CDC20B: variants seen among roughly 807,000 people sequenced by gnomAD.
CDC20B encodes cell division cycle protein 20 homolog B.
In CDC20B, 58 loss-of-function variants were observed where a neutral mutation model predicts 64.1. That is an observed-to-expected ratio of 0.90 (90% confidence interval 0.73 to 1.13). The LOEUF (loss-of-function observed/expected upper bound fraction) is 1.13, where lower values mean the gene tolerates loss of function less well. Ranked by LOEUF, CDC20B falls within the 50% of genes most tolerant of loss-of-function variation. The pLI is 0.00. For synonymous variants in CDC20B, 243 were observed against 230.6 expected, an observed-to-expected ratio of 1.05 and a Z score of -0.49; for missense variants, 597 against 633.0, an observed-to-expected ratio of 0.94 and a Z score of 0.61.
chr5:55,148,593 A>G (rs1043013615), intron 2 of CDC20B, among the ~76,000 whole-genome samples: 1 of 152,216 alleles, frequency 6.6e-6, no homozygotes, highest in African/African-American at 2.4e-5. Flanking sequence ...GTGTACTTGT[A>G]GTCCTAGCTA....
rs1235886072 is a variant in CDC20B, at chr5:55,113,219, A to T, written c.*999T>A. On this transcript the variant is annotated 3_prime_UTR_variant, in exon 12 of 12. Coordinates refer to ENST00000381375, the MANE Select transcript of CDC20B (RefSeq NM_001170402.1). ...AGTCTTAATATAGGAGATGAATGTG[A>T]ATTAACATTCAAAAGACAGAACAGC... 6.6e-6 allele frequency: 1 copy of T among 152,218 alleles called. No individual in the cohort carries two copies. Among genetic ancestry groups the T allele is most frequent in the Non-Finnish European group, 1.5e-5 (1 of 68,044 alleles). The allele number at this position is 152,218 out of a possible 1,614,324, so 9.4% of individuals were successfully genotyped here. A position where few individuals can be genotyped will look rare whatever the true frequency, so the allele number is the denominator to read the frequency against.
At chr5:55,130,261 C>G (rs557308571) in intron 6 of CDC20B, among the ~76,000 whole-genome samples, 1 of 152,116 alleles carries the variant, frequency 6.6e-6, no homozygotes, top group South Asian at 2.1e-4. Flanking sequence ...CTTGGATACA[C>G]TGAATAGCAG....
chr5:55,142,867 A>G (rs1469131949), intron 4 of CDC20B, among the ~76,000 whole-genome samples: 2 of 152,238 alleles, frequency 1.3e-5, no homozygotes, highest in Non-Finnish European at 2.9e-5. Flanking sequence ...AGAATTTATG[A>G]CTTTTCTAGT....
chr5:55,170,556 G>A (rs374883017), intron 2 of CDC20B: 2 of 534,674 alleles, frequency 3.7e-6, no homozygotes, highest in Admixed American at 1.9e-5. Flanking sequence ...GACAGCAGTT[G>A]CATGTTAGCC....
At chr5:55,168,736 C>T (rs564186405) in intron 2 of CDC20B, among the ~76,000 whole-genome samples, 163 of 152,104 alleles carry the variant, frequency 1.1e-3, no homozygotes, top group African/African-American at 3.5e-3. Context: ...AAATCAATTA[C>T]GGCATGTTCC....
intron 2 of CDC20B, among the ~76,000 whole-genome samples, chr5:55,152,031 G>T (rs1743680599): frequency 6.6e-6 from 1 of 152,244 alleles, no homozygotes; most frequent in African/African-American, 2.4e-5. Flanking sequence ...GAAGGCAGAG[G>T]GAGATGTGAC....
In CDC20B at chr5:55,146,682, C is replaced by A. The variant is rs778168504; in HGVS notation, c.301G>T (p.Glu101Ter). Residue 101 changes from glutamate (E) to a stop codon, truncating the protein, a stop_gained, in exon 3 of 12, where the codon GAA becomes TAA. Transcript: ENST00000381375. LOFTEE classifies it high-confidence loss of function. Reference protein sequence around the residue: ...GEEQSTTYLPEASGSVLKTPP... With the variant: ...GEEQSTTYLP ...GTCTTCAGCACTGATCCGGAAGCTT[C>A]TGGGAGGTAGGTGGTTGACTGCTCT... is the stretch of plus-strand genomic sequence containing the variant. The A allele has an allele frequency of 1.2e-6, 2 of 1,614,134 alleles. No individual in the cohort carries two copies. Among genetic ancestry groups the A allele is most frequent in the South Asian group, 2.2e-5 (2 of 91,086 alleles).
At chr5:55,121,696 T>C (rs185555738) in intron 9 of CDC20B, among the ~76,000 whole-genome samples, 1 of 152,346 alleles carries the variant, frequency 6.6e-6, no homozygotes, top group East Asian at 1.9e-4. Flanking sequence ...CCAATGAGTA[T>C]ACTAATTTCA....
At chr5:55,136,354 T>A (rs1164018617) in intron 5 of CDC20B, 5 of 151,438 alleles carry the variant, frequency 3.3e-5, no homozygotes, top group Non-Finnish European at 5.9e-5. Flanking sequence ...GTGGCCAGAG[T>A]TCAAGACCAG....
At chr5:55,159,085 C>T (rs1743906687) in intron 2 of CDC20B, among the ~76,000 whole-genome samples, 1 of 152,156 alleles carries the variant, frequency 6.6e-6, no homozygotes, top group Non-Finnish European at 1.5e-5. Flanking sequence ...TCTACAAACA[C>T]GACTCACTGC....
At chr5:55,134,621 G>T (rs984565439) in intron 5 of CDC20B, among the ~76,000 whole-genome samples, 1 of 152,114 alleles carries the variant, frequency 6.6e-6, no homozygotes, top group African/African-American at 2.4e-5. Context: ...AATTAGCCAG[G>T]CATGCTGGTA....
At chr5:55,119,764 T>C in intron 11 of CDC20B, 37 bp downstream of exon 11, 1 of 1,260,164 alleles carries the variant, frequency 7.9e-7, no homozygotes, top group Non-Finnish European at 1.2e-6. Flanking sequence ...CTCACTTTGC[T>C]ATAGGTGCAT....
intron 8 of CDC20B, 64 bp from the exon 9 acceptor site, chr5:55,125,092 G>A: frequency 1.5e-6 from 2 of 1,353,240 alleles, no homozygotes; most frequent in South Asian, 2.5e-5. Flanking sequence ...AAACATGGAG[G>A]AAAGCATAGT....
At chr5:55,126,186 ATTAC>A (rs1468312774) in intron 8 of CDC20B, among the ~76,000 whole-genome samples, 5 of 152,146 alleles carry the variant, frequency 3.3e-5, no homozygotes, top group Admixed American at 1.3e-4. Context: ...TTTACATCAG[ATTAC>A]TTAAATACAT....
chr5:55,133,633 G>A, intron 5 of CDC20B, 105 bp from the exon 6 acceptor site: 3 of 511,270 alleles, frequency 5.9e-6, no homozygotes, highest in African/African-American at 1.9e-5. Flanking sequence ...TTAATTAAGT[G>A]GAAAATAAGT....
intron 7 of CDC20B, among the ~76,000 whole-genome samples, chr5:55,128,184 T>C (rs916718573): frequency 6.6e-6 from 1 of 151,184 alleles, no homozygotes; most frequent in African/African-American, 2.4e-5. Flanking sequence ...AGAGAAAATA[T>C]ATTTTTAAAT....
intron 5 of CDC20B, chr5:55,137,288 CT>C: frequency 3.4e-6 from 1 of 293,632 alleles, no homozygotes. Context: ...GGCTACAGAG[CT>C]TCCCTGATAA....
At chr5:55,148,169 T>C (rs1263919993) in intron 2 of CDC20B, among the ~76,000 whole-genome samples, 2 of 152,174 alleles carry the variant, frequency 1.3e-5, no homozygotes, top group Admixed American at 6.5e-5. Flanking sequence ...ATAAAAGAGA[T>C]ATATAAATGC....
At chr5:55,168,606 G>A (rs1312794836) in intron 2 of CDC20B, among the ~76,000 whole-genome samples, 1 of 151,502 alleles carries the variant, frequency 6.6e-6, no homozygotes, top group Non-Finnish European at 1.5e-5. Context: ...GATAATATGA[G>A]ACTAAACCAC....
Sources: allele counts gnomAD v4.1 joint callset (sites outside exome capture counted in the v4.1 genomes callset), GRCh38; gene constraint gnomAD v4.1.1; transcripts MANE v1.5; gene names NCBI Gene and HGNC (gene_info 2026-07-23, HGNC 2026-07-21).